The following APBB2 variants were observed in gnomAD, a reference collection of about 807,000 sequenced individuals.
APBB2 encodes amyloid beta precursor protein binding family B member 2.
A neutral mutation model predicts 82.5 loss-of-function variants in APBB2; 38 were observed. That is an observed-to-expected ratio of 0.46 (90% confidence interval 0.36 to 0.60). The LOEUF (loss-of-function observed/expected upper bound fraction) is 0.60. Among genes scored for constraint, APBB2 ranks in the 20% least tolerant of loss-of-function variants. APBB2 has a pLI of 0.00. For synonymous variants in APBB2, 341 were observed against 368.2 expected (o/e 0.93, Z 0.85); for missense variants, 772 against 972.3 (o/e 0.79, Z 2.74).
intron 12 of APBB2, among the ~76,000 whole-genome samples, chr4:40,842,671 G>C (rs550626307): frequency 1.4e-4 from 22 of 152,164 alleles, no homozygotes; most frequent in Non-Finnish European, 3.1e-4. Flanking sequence ...GTCAAATACA[G>C]GAAACTGTTT....
intron 3 of APBB2, among the ~76,000 whole-genome samples, chr4:41,075,174 A>G (rs1266734515): frequency 6.6e-6 from 1 of 152,198 alleles, no homozygotes; most frequent in African/African-American, 2.4e-5. Flanking sequence ...CCCTATATTC[A>G]TTCAAACTCT....
chr4:40,943,285 G>A (rs1375500345), intron 7 of APBB2, among the ~76,000 whole-genome samples: 1 of 152,196 alleles, frequency 6.6e-6, no homozygotes, highest in Non-Finnish European at 1.5e-5. Context: ...ACACCCTGGT[G>A]TTCTCTGGCT....
chr4:40,938,642 A>G (rs1438088141), intron 7 of APBB2, among the ~76,000 whole-genome samples: 2 of 152,168 alleles, frequency 1.3e-5, no homozygotes, highest in African/African-American at 4.8e-5. Flanking sequence ...CTTTCTCTAC[A>G]ATGCTAAGAA....
chr4:40,970,493 T>G (rs571244120), intron 6 of APBB2, among the ~76,000 whole-genome samples: 7 of 152,286 alleles, frequency 4.6e-5, no homozygotes, highest in Admixed American at 1.3e-4. Flanking sequence ...CAAAGGCATT[T>G]AAACTAACTG....
At chr4:40,906,464 C>CAAA (rs5857755) in intron 10 of APBB2, among the ~76,000 whole-genome samples, 93 of 67,920 alleles carry the variant, frequency 1.4e-3, no homozygotes, top group African/African-American at 2.3e-3. Context: ...AAACCTGTCT[C>CAAA]AAAAAAAAAA....
At chr4:41,108,735 C>A (rs930422277) in intron 2 of APBB2, among the ~76,000 whole-genome samples, 1 of 152,222 alleles carries the variant, frequency 6.6e-6, no homozygotes, top group Non-Finnish European at 1.5e-5. Flanking sequence ...GTCTGACACA[C>A]GCACCCAGGC....
chr4:40,898,389 G>A (rs1392220345), intron 10 of APBB2, among the ~76,000 whole-genome samples: 6 of 152,146 alleles, frequency 3.9e-5, no homozygotes, highest in Middle Eastern at 3.4e-3. Context: ...TCAGCCTCCC[G>A]AGTAGCTGGG....
Position 40,832,049 on chromosome 4 carries a change from C to CACACAT in APBB2, c.1530-1473_1530-1472insATGTGT, listed in dbSNP as rs34024437. Among the ~76,000 whole-genome samples the CACACAT allele has an allele frequency of 2.3e-4, 35 of 151,628 alleles. No homozygotes were observed. Among genetic ancestry groups the CACACAT allele is most frequent in the African/African-American group, 7.7e-4 (32 of 41,340 alleles). On this transcript the variant is annotated intron_variant, in intron 12 of 17. Transcript: ENST00000508593. This position sits in a 1 kb window ranked among gnomAD's most constrained non-coding sequence, Gnocchi z 4.8. ...ACACACACACACACACACACACACACACATATACACCAAGCTTTACCCATC... is the reference window on the plus strand; with the variant it reads ...ACACACACACACACACACACACACACACACATACATATACACCAAGCTTTACCCATC...
Position 41,012,941 on chromosome 4 carries a change from A to G in APBB2, c.835+642T>C, listed in dbSNP as rs373405880. Reference sequence around the variant, plus strand: ...CCTCCGACAAATCCAAAATATTACAAATATAGACAAAAGTCCAGAAAGACT... The same window carrying G: ...CCTCCGACAAATCCAAAATATTACAGATATAGACAAAAGTCCAGAAAGACT... On this transcript the variant is annotated intron_variant, in intron 6 of 17. Coordinates refer to ENST00000508593, the MANE Select transcript of APBB2 (RefSeq NM_004307.2). 7.2e-5 allele frequency among the ~76,000 whole-genome samples: 11 copies of G among 152,340 alleles called. No homozygotes were observed. The South Asian group carries it at 1.0e-3, about 14-fold the overall frequency.
At chr4:40,964,162 G>A (rs1312892515) in intron 6 of APBB2, among the ~76,000 whole-genome samples, 2 of 152,028 alleles carry the variant, frequency 1.3e-5, no homozygotes, top group African/African-American at 4.8e-5. Flanking sequence ...TCTGCTGATA[G>A]AACAAGAACT....
chr4:40,927,857 C>A (rs1253794481), intron 10 of APBB2, among the ~76,000 whole-genome samples: 1 of 152,054 alleles, frequency 6.6e-6, no homozygotes, highest in African/African-American at 2.4e-5. Flanking sequence ...GAAGTCTGAG[C>A]GGAGTTACAC....
At chr4:41,060,465 G>A (rs1729415645) in intron 4 of APBB2, among the ~76,000 whole-genome samples, 1 of 152,126 alleles carries the variant, frequency 6.6e-6, no homozygotes, top group Admixed American at 6.6e-5. Flanking sequence ...AGTCGTGGCT[G>A]GCACAGGCTC....
intron 3 of APBB2, among the ~76,000 whole-genome samples, chr4:41,089,538 C>T (rs1338508267): frequency 2.6e-5 from 4 of 152,096 alleles, no homozygotes; most frequent in Non-Finnish European, 5.9e-5. Flanking sequence ...GAACACCAAC[C>T]TTTGTGTTAT....
intron 3 of APBB2, among the ~76,000 whole-genome samples, chr4:41,085,469 C>A (rs1739329009): frequency 1.3e-5 from 2 of 152,228 alleles, no homozygotes; most frequent in South Asian, 4.2e-4. Flanking sequence ...TCCCTAAGTT[C>A]ACTCTTTGGC....
At chr4:40,890,183 G>A (rs7685182) in intron 12 of APBB2, 181 bp downstream of exon 12, 201,805 of 715,854 alleles carry the variant, frequency 0.28, 31,494 homozygotes, top group East Asian at 0.57. Flanking sequence ...AAACCAGGAA[G>A]GGAAGCAGTT....
At chr4:40,974,074 G>C (rs140469113) in intron 6 of APBB2, among the ~76,000 whole-genome samples, 3 of 151,530 alleles carry the variant, frequency 2.0e-5, no homozygotes, top group Non-Finnish European at 2.9e-5. Context: ...GGCTGGTCTC[G>C]AACTCCTGAC....
chr4:40,949,568 T>C (rs1454450514), intron 6 of APBB2, among the ~76,000 whole-genome samples: 13 of 152,016 alleles, frequency 8.6e-5, no homozygotes, highest in Non-Finnish European at 1.8e-4. Context: ...CCGATGGTTA[T>C]CACGGTATCA....
At position 41,159,955 on chromosome 4, in the gene APBB2, G is replaced by GA. The variant is rs1764531774; in HGVS notation, c.-416-16814dup. On this transcript the variant is annotated intron_variant, in intron 1 of 17. Coordinates refer to ENST00000508593, the MANE Select transcript of APBB2 (RefSeq NM_004307.2). ...GGAGGAGGAGGAGGAGAAGGAGAAG[G>GA]AGAAGGAGAAGAAGAAGAAGAAGAA... is the stretch of plus-strand genomic sequence containing the variant. Among the ~76,000 whole-genome samples, 155 of 48,728 alleles carry GA rather than the reference G, an allele frequency of 3.2e-3. 1 individual carries two copies. The highest frequency in any genetic ancestry group is 5.7e-3 in the African/African-American group (64 of 11,212). 32.0% of individuals were successfully genotyped at this position (48,728 alleles called of 152,430 possible). A position where few individuals can be genotyped will look rare whatever the true frequency, so the allele number is the denominator to read the frequency against.
rs767976966 is a variant in APBB2, at chr4:41,004,792, G to A, written c.835+8791C>T. On this transcript the variant is annotated intron_variant, in intron 6 of 17. Coordinates refer to ENST00000508593, the MANE Select transcript of APBB2 (RefSeq NM_004307.2). ...GCGGACCTTGCAGTGAGCTGAGATC[G>A]TGCCACTGCACTCCAGCCTGGGCGA... is the stretch of plus-strand genomic sequence containing the variant. Among the ~76,000 whole-genome samples, 8 of 129,216 alleles carry A rather than the reference G, an allele frequency of 6.2e-5. No homozygotes were observed. In the East Asian group the frequency reaches 9.7e-4, roughly 16 times the overall value. The allele number at this position is 129,216 out of a possible 152,430, so 84.8% of individuals were successfully genotyped here. A position where few individuals can be genotyped will look rare whatever the true frequency, so the allele number is the denominator to read the frequency against.
Sources: allele counts gnomAD v4.1 joint callset (sites outside exome capture counted in the v4.1 genomes callset), GRCh38; gene constraint gnomAD v4.1.1; non-coding constraint Gnocchi (gnomAD v3.1); transcripts MANE v1.5; gene names NCBI Gene and HGNC (gene_info 2026-07-23, HGNC 2026-07-21).